The following PTPRQ variants were observed in gnomAD, a reference collection of about 807,000 sequenced individuals.
PTPRQ encodes phosphatidylinositol phosphatase PTPRQ.
PTPRQ carries 199 observed loss-of-function variants against 246.0 expected under a neutral mutation model. The observed-to-expected ratio is 0.81, with a 90% CI of 0.72 to 0.91. The LOEUF (loss-of-function observed/expected upper bound fraction) is 0.91, where lower values mean the gene tolerates loss of function less well. PTPRQ is among the 40% of genes least tolerant of loss of function. The pLI is 0.00. For missense variants in PTPRQ, 2,624 were observed against 2,528.4 expected, an observed-to-expected ratio of 1.04 and a Z score of -0.81; for synonymous variants, 869 against 853.2, an observed-to-expected ratio of 1.02 and a Z score of -0.32.
rs2120696276 is a variant in PTPRQ, at chr12:80,506,065, T to A, written c.2314T>A (p.Ser772Thr). 6.5e-7 allele frequency: 1 copy of A among 1,546,978 alleles called. No individual in the cohort carries two copies. The change falls in exon 15 of 45, where the codon TCT becomes ACT. Residue 772 changes from serine (S) to threonine (T), a missense_variant. Transcript: ENST00000644991. Reference sequence around the variant, plus strand: ...AGAAAATATCACTTACAAAAATATTTCTTCTGGAGAGATTGAGCTATCATT... The same window carrying A: ...AGAAAATATCACTTACAAAAATATTACTTCTGGAGAGATTGAGCTATCATT... Reference protein sequence around the residue: ...APENITYKNISSGEIELSFLP... With the variant: ...APENITYKNITSGEIELSFLP...
intron 31 of PTPRQ, among the ~76,000 whole-genome samples, chr12:80,619,909 T>A (rs567996864): frequency 1.3e-5 from 2 of 151,604 alleles, no homozygotes; most frequent in South Asian, 4.2e-4. Context: ...ACAAGTGAGT[T>A]ACTCTTGATT....
At chr12:80,567,520 T>C (rs1351286548) in intron 25 of PTPRQ, among the ~76,000 whole-genome samples, 1 of 152,202 alleles carries the variant, frequency 6.6e-6, no homozygotes, top group Admixed American at 6.5e-5. Flanking sequence ...TGAAGGCAAC[T>C]GCTGCCCTGA....
intron 14 of PTPRQ, among the ~76,000 whole-genome samples, chr12:80,504,231 T>C (rs1325418493): frequency 6.6e-6 from 1 of 151,768 alleles, no homozygotes; most frequent in African/African-American, 2.4e-5. Flanking sequence ...GATAATTTCT[T>C]CAATACTATC....
intron 26 of PTPRQ, among the ~76,000 whole-genome samples, chr12:80,595,387 T>C (rs2121046581): frequency 6.6e-6 from 1 of 152,224 alleles, no homozygotes; most frequent in South Asian, 2.1e-4. Flanking sequence ...GTTAAAGTGT[T>C]ACAGTGTCAA....
At chr12:80,606,313 C>A (rs911993537) in intron 27 of PTPRQ, among the ~76,000 whole-genome samples, 2 of 150,962 alleles carry the variant, frequency 1.3e-5, no homozygotes, top group East Asian at 3.9e-4. Context: ...ATGAGATTCA[C>A]TATGGAATGT....
intron 3 of PTPRQ, among the ~76,000 whole-genome samples, chr12:80,452,336 T>G (rs1892793203): frequency 6.6e-6 from 1 of 152,018 alleles, no homozygotes; most frequent in Non-Finnish European, 1.5e-5. Flanking sequence ...AGTCTGTGTC[T>G]TTTAATTGGA....
At chr12:80,562,686 C>T (rs992289221) in intron 25 of PTPRQ, among the ~76,000 whole-genome samples, 2 of 151,484 alleles carry the variant, frequency 1.3e-5, no homozygotes, top group African/African-American at 4.9e-5. Context: ...GAAAATAGAC[C>T]AATAATCTAA....
intron 14 of PTPRQ, among the ~76,000 whole-genome samples, chr12:80,504,263 T>G (rs1480180553): frequency 2.0e-5 from 3 of 151,808 alleles, no homozygotes; most frequent in African/African-American, 7.2e-5. Flanking sequence ...TAAAGTTCTC[T>G]TCTTCTTTAT....
intron 38 of PTPRQ, among the ~76,000 whole-genome samples, chr12:80,653,219 T>A (rs1358790867): frequency 6.6e-6 from 1 of 152,106 alleles, no homozygotes; most frequent in African/African-American, 2.4e-5. Context: ...TGTTTTCCTA[T>A]GGAACATAAA....
At chr12:80,630,244 TC>T (rs1335683089) in intron 33 of PTPRQ, among the ~76,000 whole-genome samples, 1 of 152,046 alleles carries the variant, frequency 6.6e-6, no homozygotes, top group Non-Finnish European at 1.5e-5. Flanking sequence ...CTCCTTTCCT[TC>T]CCCCCTATGT....
intron 25 of PTPRQ, 49 bp from the exon 26 acceptor site, chr12:80,588,080 A>T: frequency 6.8e-7 from 1 of 1,462,176 alleles, no homozygotes; most frequent in South Asian, 1.5e-5. Flanking sequence ...TCTCTTTATG[A>T]AGTGTTTGGT....
intron 27 of PTPRQ, among the ~76,000 whole-genome samples, chr12:80,606,685 G>A (rs899026914): frequency 1.3e-5 from 2 of 150,920 alleles, no homozygotes. Flanking sequence ...CTTAAATGGA[G>A]ATATAATGCT....
chr12:80,484,468 G>T lies in PTPRQ; in HGVS notation c.1222G>T (p.Val408Leu). Reference protein sequence around the residue: ...GAVFDLQLAEVESTQVRITWK... With the variant: ...GAVFDLQLAELESTQVRITWK... Reference sequence around the variant, plus strand: ...AGTGTTTGATTTACAACTTGCAGAGGTAGAATCCACGCAAGTAAGAATTAC... The same window carrying T: ...AGTGTTTGATTTACAACTTGCAGAGTTAGAATCCACGCAAGTAAGAATTAC... Residue 408 changes from valine to leucine, a missense_variant, in exon 9 of 45, where the codon GTA becomes TTA. Val to Leu is a conservative substitution (Grantham distance 32). Transcript: ENST00000644991. 6.4e-7 allele frequency: 1 copy of T among 1,550,476 alleles called. No individual in the cohort carries two copies. The highest frequency in any genetic ancestry group is 8.7e-7 in the Non-Finnish European group (1 of 1,146,622).
chr12:80,470,697 G>T (rs1893596927), intron 7 of PTPRQ, among the ~76,000 whole-genome samples: 2 of 151,924 alleles, frequency 1.3e-5, no homozygotes, highest in Admixed American at 1.3e-4. Flanking sequence ...ACTGAAGATG[G>T]GTAGAGTGGA....
At chr12:80,521,765 G>A (rs973795643) in intron 17 of PTPRQ, among the ~76,000 whole-genome samples, 6 of 152,156 alleles carry the variant, frequency 3.9e-5, no homozygotes, top group Non-Finnish European at 8.8e-5. Context: ...GGTTACAGTA[G>A]CCTTGTAGTA....
At chr12:80,643,079 A>G (rs1899944915) in intron 35 of PTPRQ, among the ~76,000 whole-genome samples, 1 of 152,156 alleles carries the variant, frequency 6.6e-6, no homozygotes, top group East Asian at 1.9e-4. Flanking sequence ...TGTCCTACAC[A>G]TATGAGAAGA....
Position 80,613,652 on chromosome 12 carries a change from T to C in PTPRQ, c.4979T>C (p.Phe1660Ser), listed in dbSNP as rs1469157174. The C allele has an allele frequency of 4.9e-5, 76 of 1,545,324 alleles. No individual in the cohort carries two copies. Among genetic ancestry groups the C allele is most frequent in the Non-Finnish European group, 7.0e-6 (8 of 1,142,792 alleles). The change falls in exon 29 of 45, where the codon TTT becomes TCT. Residue 1660 changes from phenylalanine (F) to serine (S), a missense_variant. Physicochemically the swap from Phe to Ser is radical, Grantham distance 155. Transcript: ENST00000644991. Reference protein sequence around the residue: ...FQKIPDEVTKFQLTFLPPSQP... With the variant: ...FQKIPDEVTKSQLTFLPPSQP... ...AAGATACCAGATGAAGTTACAAAATTTCAATTAACGTTCCTTCCTCCTTCT... is the reference window on the plus strand; with the variant it reads ...AAGATACCAGATGAAGTTACAAAATCTCAATTAACGTTCCTTCCTCCTTCT...
intron 39 of PTPRQ, among the ~76,000 whole-genome samples, chr12:80,660,155 A>G (rs1004798059): frequency 2.6e-5 from 4 of 152,024 alleles, no homozygotes; most frequent in African/African-American, 9.7e-5. Flanking sequence ...CCGGGTTTCA[A>G]TTTCTTTGGA....
chr12:80,468,658 G>A (rs981614953), intron 6 of PTPRQ, 52 bp from the exon 7 acceptor site: 77 of 1,448,494 alleles, frequency 5.3e-5, no homozygotes, highest in Non-Finnish European at 7.0e-5. Context: ...TTAATAGGGT[G>A]CGCTTTCATT....
Sources: allele counts gnomAD v4.1 joint callset (sites outside exome capture counted in the v4.1 genomes callset), GRCh38; gene constraint gnomAD v4.1.1; transcripts MANE v1.5; gene names NCBI Gene and HGNC (gene_info 2026-07-23, HGNC 2026-07-21).